The following CEP85L variants were observed in gnomAD, a reference collection of about 807,000 sequenced individuals.
CEP85L encodes centrosomal protein of 85 kDa-like.
A neutral mutation model predicts 100.3 loss-of-function variants in CEP85L; 60 were observed. The observed-to-expected ratio is 0.60, with a 90% CI of 0.49 to 0.74. The LOEUF (loss-of-function observed/expected upper bound fraction) is 0.74. Ranked by LOEUF, CEP85L falls within the 30% of genes least tolerant of loss-of-function variation. CEP85L has a pLI of 0.00. For synonymous variants in CEP85L, 319 were observed against 322.7 expected, an observed-to-expected ratio of 0.99 and a Z score of 0.12; for missense variants, 973 against 936.2, an observed-to-expected ratio of 1.04 and a Z score of -0.51.
chr6:118,603,688 T>A (rs551536306), intron 2 of CEP85L, among the ~76,000 whole-genome samples: 1 of 152,370 alleles, frequency 6.6e-6, no homozygotes, highest in East Asian at 1.9e-4. Flanking sequence ...GTTTAGTCCA[T>A]GTCGTTATCT....
chr6:118,543,056 C>A (rs920733451), intron 3 of CEP85L, among the ~76,000 whole-genome samples: 1 of 152,060 alleles, frequency 6.6e-6, no homozygotes, highest in Non-Finnish European at 1.5e-5. Flanking sequence ...TTTCTTTAGC[C>A]TCTTTCTGCC....
intron 1 of CEP85L, among the ~76,000 whole-genome samples, chr6:118,646,374 T>C (rs1303831169): frequency 1.3e-5 from 2 of 152,054 alleles, no homozygotes; most frequent in East Asian, 1.9e-4. Context: ...TAACATGTTA[T>C]TGCTTAAAAA....
chr6:118,701,894 G>A (rs1777419460), intron 1 of CEP85L, among the ~76,000 whole-genome samples: 1 of 152,194 alleles, frequency 6.6e-6, no homozygotes, highest in Non-Finnish European at 1.5e-5. Context: ...TAGGTCAAAT[G>A]CCTGAATAAA....
chr6:118,520,437 T>C (rs1370207551), intron 4 of CEP85L, among the ~76,000 whole-genome samples: 2 of 152,184 alleles, frequency 1.3e-5, no homozygotes, highest in Non-Finnish European at 2.9e-5. Flanking sequence ...AATTGTCATA[T>C]TTGTGGGGTA....
At chr6:118,665,741 C>T (rs545709357) in intron 1 of CEP85L, among the ~76,000 whole-genome samples, 1 of 152,254 alleles carries the variant, frequency 6.6e-6, no homozygotes, top group East Asian at 1.9e-4. Context: ...TCAACAGACT[C>T]TAGTTTTCTT....
chr6:118,651,514 T>G lies in CEP85L; in HGVS notation c.-245A>C. 1.6e-6 allele frequency: 2 copies of G among 1,265,574 alleles called. No individual in the cohort carries two copies. Among genetic ancestry groups the G allele is most frequent in the Non-Finnish European group, 2.0e-6 (2 of 1,005,910 alleles). 78.4% of individuals were successfully genotyped at this position (1,265,574 alleles called of 1,614,324 possible). A position where few individuals can be genotyped will look rare whatever the true frequency, so the allele number is the denominator to read the frequency against. ...AGGCCCGCGCCGGGGAAGCGGCGAC[T>G]CGGCGGTGACGGCTGCTAGATCCCC... On this transcript the variant is annotated 5_prime_UTR_variant, in exon 1 of 13. Transcript: ENST00000368491.
At chr6:118,647,766 G>C (rs540699607) in intron 1 of CEP85L, among the ~76,000 whole-genome samples, 2 of 152,302 alleles carry the variant, frequency 1.3e-5, no homozygotes, top group South Asian at 4.1e-4. Flanking sequence ...GATTTCAAAA[G>C]CCTACGGGAA....
intron 1 of CEP85L, among the ~76,000 whole-genome samples, chr6:118,704,554 C>T (rs1182108230): frequency 6.6e-6 from 1 of 152,152 alleles, no homozygotes; most frequent in African/African-American, 2.4e-5. Flanking sequence ...CTGCATCCTC[C>T]GCCTCCTGGG....
chr6:118,637,276 C>T (rs369555747), intron 1 of CEP85L, among the ~76,000 whole-genome samples: 1 of 152,258 alleles, frequency 6.6e-6, no homozygotes, highest in East Asian at 1.9e-4. Flanking sequence ...ATACTTAGAG[C>T]CTTTTTATTT....
In CEP85L at chr6:118,515,826, T is replaced by C. The variant is rs192863127; in HGVS notation, c.1140-4411A>G. Among the ~76,000 whole-genome samples the C allele has an allele frequency of 5.6e-4, 86 of 152,338 alleles. 2 individuals are homozygous for C. In the South Asian group the frequency reaches 0.013, roughly 23 times the overall value. ...AACGTGCAGGTTTGCTACATAGGTA[T>C]ACACCTGTCATGGTGGTTTGCTGCA... On this transcript the variant is annotated intron_variant, in intron 4 of 12. Transcript: ENST00000368491.
At position 118,505,409 on chromosome 6, in the gene CEP85L, C is replaced by CAAAAAAAAAAAAAAAA. The variant is rs56893664; in HGVS notation, c.1257+5873_1257+5888dup. On this transcript the variant is annotated intron_variant, in intron 5 of 12. Transcript: ENST00000368491. ...TGAGCCAAGATCACGTCACTGTACT[C>CAAAAAAAAAAAAAAAA]AAAAAAAAAAAAAAAAAAAAAAAAA... 1.5e-4 allele frequency among the ~76,000 whole-genome samples: 11 copies of CAAAAAAAAAAAAAAAA among 71,814 alleles called. 1 individual carries two copies. Among genetic ancestry groups the CAAAAAAAAAAAAAAAA allele is most frequent in the African/African-American group, 2.2e-4 (4 of 18,062 alleles). 47.1% of individuals were successfully genotyped at this position (71,814 alleles called of 152,430 possible).
intron 1 of CEP85L, among the ~76,000 whole-genome samples, chr6:118,645,222 CAGGTA>C (rs1409784892): frequency 9.9e-5 from 15 of 152,210 alleles, no homozygotes; most frequent in Non-Finnish European, 2.1e-4. Context: ...TCTCATCATT[CAGGTA>C]ACAATGTTAC....
chr6:118,628,801 A>G (rs1024864423), intron 2 of CEP85L, among the ~76,000 whole-genome samples: 12 of 152,356 alleles, frequency 7.9e-5, no homozygotes, highest in African/African-American at 2.9e-4. Context: ...AGAAAATAAC[A>G]TAATAGAAAA....
intron 1 of CEP85L, among the ~76,000 whole-genome samples, chr6:118,677,360 A>C (rs1446861263): frequency 6.6e-6 from 1 of 152,188 alleles, no homozygotes; most frequent in Non-Finnish European, 1.5e-5. Flanking sequence ...GAGCTGTACA[A>C]GCAGTCCTGA....
chr6:118,657,408 A>C (rs1775834524), upstream of CEP85L, among the ~76,000 whole-genome samples: 1 of 152,210 alleles, frequency 6.6e-6, no homozygotes, highest in Non-Finnish European at 1.5e-5. Flanking sequence ...ACTTGAAGTC[A>C]GGAGTTCCAG....
intron 3 of CEP85L, among the ~76,000 whole-genome samples, chr6:118,557,490 C>T (rs1489805276): frequency 6.6e-6 from 1 of 152,102 alleles, no homozygotes. Flanking sequence ...CATATTCTCC[C>T]CACATCTGTG....
At chr6:118,677,788 C>A (rs1186302128) in intron 1 of CEP85L, among the ~76,000 whole-genome samples, 1 of 152,152 alleles carries the variant, frequency 6.6e-6, no homozygotes, top group Non-Finnish European at 1.5e-5. Flanking sequence ...CCATGCCCAC[C>A]ACCTATAGTC....
At chr6:118,709,564 A>G (rs879435693) in intron 1 of CEP85L, among the ~76,000 whole-genome samples, 54 of 17,822 alleles carry the variant, frequency 3.0e-3, no homozygotes, top group Non-Finnish European at 7.3e-3. Context: ...TGTGAGAGAG[A>G]GAGAGAGAGA....
At chr6:118,659,083 T>C (rs1235210294) in intron 1 of CEP85L, among the ~76,000 whole-genome samples, 2 of 152,188 alleles carry the variant, frequency 1.3e-5, no homozygotes, top group Admixed American at 1.3e-4. Flanking sequence ...ATAACCAATC[T>C]CTACTTTCAT....
Sources: allele counts gnomAD v4.1 joint callset (sites outside exome capture counted in the v4.1 genomes callset), GRCh38; gene constraint gnomAD v4.1.1; transcripts MANE v1.5; gene names NCBI Gene and HGNC (gene_info 2026-07-23, HGNC 2026-07-21).